Variants in SMOC2 observed in about 807,000 individuals in gnomAD.
The protein encoded by SMOC2 is SPARC related modular calcium binding 2, also known as SPARC-related modular calcium-binding protein 2.
A neutral mutation model predicts 61.4 loss-of-function variants in SMOC2; 39 were observed. The ratio of observed to expected loss-of-function variants is 0.64; its 90% confidence interval spans 0.49 to 0.83. The LOEUF (loss-of-function observed/expected upper bound fraction) is 0.83, where lower values mean the gene tolerates loss of function less well. Among genes scored for constraint, SMOC2 ranks in the 40% least tolerant of loss-of-function variants. SMOC2 has a pLI of 0.00. For synonymous variants in SMOC2, 247 were observed against 239.9 expected, an observed-to-expected ratio of 1.03 and a Z score of -0.27; for missense variants, 556 against 592.9, an observed-to-expected ratio of 0.94 and a Z score of 0.65.
At chr6:168,573,590 G>A (rs571605369) in intron 7 of SMOC2, among the ~76,000 whole-genome samples, 16 of 152,258 alleles carry the variant, frequency 1.1e-4, no homozygotes, top group Admixed American at 4.6e-4. Context: ...GCCCACACAC[G>A]TGCAGGCAGC....
intron 1 of SMOC2, among the ~76,000 whole-genome samples, chr6:168,466,137 A>C (rs1269297695): frequency 1.4e-5 from 2 of 147,844 alleles, no homozygotes; most frequent in Non-Finnish European, 3.0e-5. Context: ...TGCTACTCTG[A>C]GAGCTGGAAC....
intron 1 of SMOC2, among the ~76,000 whole-genome samples, chr6:168,457,591 G>A (rs928357673): frequency 1.1e-4 from 16 of 152,186 alleles, no homozygotes; most frequent in Admixed American, 9.2e-4. Context: ...CCCGCGTCAC[G>A]TCCTTCCAGC....
At position 168,452,898 on chromosome 6, in the gene SMOC2, C is replaced by A. The variant is rs1455558842; in HGVS notation, c.84+11444C>A. Among the ~76,000 whole-genome samples, 1 of 152,226 alleles carries A rather than the reference C, an allele frequency of 6.6e-6. No individual in the cohort carries two copies. Among genetic ancestry groups the A allele is most frequent in the African/African-American group, 2.4e-5 (1 of 41,462 alleles). On this transcript the variant is annotated intron_variant, in intron 1 of 12. Transcript: ENST00000356284. The surrounding 1 kb of genome is among the most constrained non-coding windows in gnomAD (Gnocchi z 5.0). Reference sequence around the variant, plus strand: ...GGCTGACACGAGGCTGACTCCCAGGCCACACTCTGTCAATTTCTGGGGCTT... The same window carrying A: ...GGCTGACACGAGGCTGACTCCCAGGACACACTCTGTCAATTTCTGGGGCTT...
In SMOC2 at chr6:168,523,554, A is replaced by ATT. The variant is rs55889954; in HGVS notation, c.257-2782_257-2781dup. Among the ~76,000 whole-genome samples, 33 of 147,058 alleles carry ATT rather than the reference A, an allele frequency of 2.2e-4. No homozygotes were observed. The South Asian group carries it at 5.5e-3, about 25-fold the overall frequency. ...AGGCGCCTGCCACCATGCCTGGCTA[A>ATT]TTTTTTTTTTTATTATTTTTATTTT... On this transcript the variant is annotated intron_variant, in intron 2 of 12. Coordinates refer to ENST00000356284, the MANE Select transcript of SMOC2 (RefSeq NM_001166412.2).
intron 2 of SMOC2, among the ~76,000 whole-genome samples, chr6:168,519,491 G>C (rs1783274929): frequency 6.6e-6 from 1 of 152,180 alleles, no homozygotes; most frequent in African/African-American, 2.4e-5. Flanking sequence ...ATGTTTGGGA[G>C]CGCCCTTCCT....
intron 1 of SMOC2, among the ~76,000 whole-genome samples, chr6:168,464,396 C>T (rs904251004): frequency 3.3e-5 from 5 of 152,174 alleles, no homozygotes; most frequent in East Asian, 3.9e-4. Flanking sequence ...CTGACAGTGA[C>T]GCTGTGCCAT....
chr6:168,520,176 G>A (rs1355383091), intron 2 of SMOC2, among the ~76,000 whole-genome samples: 5 of 152,146 alleles, frequency 3.3e-5, no homozygotes, highest in Non-Finnish European at 5.9e-5. Flanking sequence ...ATCTATATTA[G>A]GATATTAGGA....
chr6:168,506,684 G>A (rs1334811194), intron 1 of SMOC2, among the ~76,000 whole-genome samples: 2 of 151,920 alleles, frequency 1.3e-5, no homozygotes, highest in Non-Finnish European at 2.9e-5. Flanking sequence ...TGGGCTCCTC[G>A]CACCTGTGCA....
At chr6:168,515,920 G>A (rs960181267) in intron 2 of SMOC2, among the ~76,000 whole-genome samples, 2 of 152,230 alleles carry the variant, frequency 1.3e-5, no homozygotes, top group African/African-American at 2.4e-5. Flanking sequence ...GCACAGGATT[G>A]TCCCTTTAGA....
chr6:168,519,108 C>T (rs1320711151), intron 2 of SMOC2, among the ~76,000 whole-genome samples: 2 of 120,914 alleles, frequency 1.7e-5, no homozygotes, highest in Admixed American at 8.7e-5. Context: ...CGTGTGTGAA[C>T]GCGTGTGTAT....
chr6:168,638,081 C>CCCCTG (rs1315467529), intron 9 of SMOC2, among the ~76,000 whole-genome samples: 1 of 151,126 alleles, frequency 6.6e-6, no homozygotes, highest in African/African-American at 2.4e-5. Flanking sequence ...CCCTGCCCTG[C>CCCCTG]CCCTGCCCTG....
At chr6:168,484,288 A>AT (rs202204814) in intron 1 of SMOC2, among the ~76,000 whole-genome samples, 30 of 152,132 alleles carry the variant, frequency 2.0e-4, no homozygotes, top group Non-Finnish European at 2.9e-4. Context: ...TTGAATGGAC[A>AT]TTTTTTTTAA....
At chr6:168,499,479 C>G (rs145995954) in intron 1 of SMOC2, among the ~76,000 whole-genome samples, 277 of 152,288 alleles carry the variant, frequency 1.8e-3, no homozygotes, top group Non-Finnish European at 3.1e-3. Flanking sequence ...AGCCCAGAGA[C>G]CGATGAGCTA....
chr6:168,629,332 T>C (rs1437955682), intron 9 of SMOC2, among the ~76,000 whole-genome samples: 1 of 152,214 alleles, frequency 6.6e-6, no homozygotes, highest in African/African-American at 2.4e-5. Context: ...GGGATCAAGA[T>C]AGGGCGGTCC....
intron 4 of SMOC2, among the ~76,000 whole-genome samples, chr6:168,532,622 A>G (rs1292041503): frequency 6.6e-6 from 1 of 152,196 alleles, no homozygotes; most frequent in Non-Finnish European, 1.5e-5. Context: ...TCCTGGCATG[A>G]GTACAAAGTG....
intron 1 of SMOC2, among the ~76,000 whole-genome samples, chr6:168,447,547 C>G (rs909771948): frequency 6.6e-6 from 1 of 152,170 alleles, no homozygotes; most frequent in Non-Finnish European, 1.5e-5. Flanking sequence ...CATCATCTCT[C>G]ACTGTTCCTA....
At chr6:168,500,759 C>T (rs1562557874) in intron 1 of SMOC2, among the ~76,000 whole-genome samples, 1 of 152,164 alleles carries the variant, frequency 6.6e-6, no homozygotes, top group Non-Finnish European at 1.5e-5. Context: ...AGTCCATGCC[C>T]ATGCATTCCG....
intron 2 of SMOC2, among the ~76,000 whole-genome samples, chr6:168,526,004 C>T (rs751288809): frequency 2.6e-5 from 4 of 152,190 alleles, no homozygotes; most frequent in Non-Finnish European, 4.4e-5. Context: ...AGGCAGCTGG[C>T]GTTTCCCCAT....
At chr6:168,512,099 A>T (rs1022087862) in intron 2 of SMOC2, among the ~76,000 whole-genome samples, 2 of 151,816 alleles carry the variant, frequency 1.3e-5, no homozygotes, top group African/African-American at 2.4e-5. Context: ...AGTCATGAAG[A>T]CCCCAGGACA....
Sources: gnomAD v4.1 joint callset for allele counts (sites outside exome capture counted in the v4.1 genomes callset) on GRCh38, gnomAD v4.1.1 for gene constraint, Gnocchi (gnomAD v3.1) non-coding constraint, MANE v1.5 for transcripts, NCBI Gene and HGNC (gene_info 2026-07-23, HGNC 2026-07-21) for gene names.